CDIN1: variants seen among roughly 807,000 people sequenced by gnomAD.
CDIN1 encodes CDAN1-interacting nuclease 1.
CDIN1 carries 33 observed loss-of-function variants against 45.3 expected under a neutral mutation model. The ratio of observed to expected loss-of-function variants is 0.73; its 90% CI spans 0.55 to 0.97. CDIN1 has a LOEUF of 0.97. CDIN1 is among the 50% of genes least tolerant of loss of function. The probability of loss-of-function intolerance (pLI) is 0.00; values close to 1 mark genes in which losing one functional copy is unlikely to be tolerated. For synonymous variants in CDIN1, 118 were observed against 124.4 expected (o/e 0.95, Z 0.34); for missense variants, 303 against 339.4 (o/e 0.89, Z 0.84).
intron 5 of CDIN1, among the ~76,000 whole-genome samples, chr15:36,678,971 G>A (rs746248593): frequency 6.6e-6 from 1 of 152,158 alleles, no homozygotes; most frequent in Non-Finnish European, 1.5e-5. Flanking sequence ...TACTTGCTTG[G>A]TTGCTAATAC....
chr15:36,670,988 C>T (rs965086281), intron 5 of CDIN1, among the ~76,000 whole-genome samples: 14 of 152,186 alleles, frequency 9.2e-5, no homozygotes, highest in African/African-American at 2.2e-4. Context: ...GTAACTTGAG[C>T]GAAAACTTAT....
intron 5 of CDIN1, among the ~76,000 whole-genome samples, chr15:36,683,913 T>C (rs1406182371): frequency 8.1e-5 from 11 of 135,382 alleles, no homozygotes; most frequent in African/African-American, 1.9e-4. Context: ...GTGATTTTTG[T>C]ACATTGATTT....
chr15:36,642,369 C>T (rs1566858872), intron 1 of CDIN1, among the ~76,000 whole-genome samples: 1 of 152,126 alleles, frequency 6.6e-6, no homozygotes, highest in Admixed American at 6.5e-5. Context: ...ATTGTGGACC[C>T]GAATCTGTCT....
At chr15:36,753,343 G>A (rs1391734098) in intron 10 of CDIN1, among the ~76,000 whole-genome samples, 1 of 152,068 alleles carries the variant, frequency 6.6e-6, no homozygotes, top group Non-Finnish European at 1.5e-5. Context: ...AGCCCCAAAC[G>A]GAGCCTCTCA....
At chr15:36,781,532 A>G (rs1283133999) in intron 10 of CDIN1, among the ~76,000 whole-genome samples, 2 of 148,442 alleles carry the variant, frequency 1.3e-5, no homozygotes, top group Non-Finnish European at 2.9e-5. Context: ...CAAAGAAACA[A>G]TAGGTGTCCA....
intron 1 of CDIN1, among the ~76,000 whole-genome samples, chr15:36,621,054 A>G (rs990430720): frequency 6.6e-6 from 1 of 152,210 alleles, no homozygotes; most frequent in Non-Finnish European, 1.5e-5. Context: ...AAAATATTAA[A>G]AGCCATGTTG....
intron 10 of CDIN1, among the ~76,000 whole-genome samples, chr15:36,757,796 A>G (rs2053647488): frequency 6.6e-6 from 1 of 151,176 alleles, no homozygotes; most frequent in Non-Finnish European, 1.5e-5. Flanking sequence ...GCCTAATGCT[A>G]TGCCACCAGG....
At chr15:36,645,053 G>A (rs541340891) in intron 2 of CDIN1, among the ~76,000 whole-genome samples, 170 bp from the exon 3 acceptor site, 5 of 152,084 alleles carry the variant, frequency 3.3e-5, no homozygotes, top group Non-Finnish European at 7.4e-5. Context: ...AAATGCATAG[G>A]ATCATAGAGT....
chr15:36,796,561 C>T (rs1595610524), intron 10 of CDIN1, among the ~76,000 whole-genome samples: 1 of 152,220 alleles, frequency 6.6e-6, no homozygotes, highest in East Asian at 1.9e-4. Context: ...AGGATGGCCT[C>T]CCAGACCTGT....
At position 36,695,216 on chromosome 15, in the gene CDIN1, T is replaced by A. The variant is rs192016707; in HGVS notation, c.477-2107T>A. ...GATAATTCTCTAGGAATTTTTTTTT[T>A]AATAAATAACGAAGTTTTATTTAAG... On this transcript the variant is annotated intron_variant, in intron 7 of 10. Transcript: ENST00000566621. 2.4e-3 allele frequency among the ~76,000 whole-genome samples: 361 copies of A among 152,266 alleles called. 1 individual carries two copies. Among genetic ancestry groups the A allele is most frequent in the African/African-American group, 7.1e-3 (295 of 41,538 alleles).
Position 36,640,680 on chromosome 15 carries a change from C to G in CDIN1, c.102-3598C>G, listed in dbSNP as rs531446058. The stretch of plus-strand genomic sequence containing the variant: ...TTAAGGTTCTGCATGCTTTAGCTGT[C>G]CATCTGAAAACATAAGGACCTTACC... On this transcript the variant is annotated intron_variant, in intron 1 of 10. Coordinates refer to ENST00000566621, the MANE Select transcript of CDIN1 (RefSeq NM_001321759.2). 1.5e-4 allele frequency: 151 copies of G among 982,576 alleles called. No homozygotes were observed. The African/African-American group carries it at 2.3e-3, about 15-fold the overall frequency. 60.9% of individuals were successfully genotyped at this position (982,576 alleles called of 1,614,324 possible).
intron 10 of CDIN1, among the ~76,000 whole-genome samples, chr15:36,735,481 T>A (rs2043984641): frequency 6.6e-6 from 1 of 152,106 alleles, no homozygotes; most frequent in African/African-American, 2.4e-5. Context: ...ATACTTACAC[T>A]TTTTAACCAT....
chr15:36,808,837 A>ATTTTTTTTTTTTTTT lies in CDIN1; in HGVS notation c.*393_*394insTTTTTTTTTTTTTTT. ...CTCCCAGTTACCGAATCACCCTCTTATTTTTTTTTCCCTAAGCCTCCGTTC... is the reference window on the plus strand; with the variant it reads ...CTCCCAGTTACCGAATCACCCTCTTATTTTTTTTTTTTTTTTTTTTTTTTCCCTAAGCCTCCGTTC... On this transcript the variant is annotated 3_prime_UTR_variant, in exon 11 of 11. Transcript: ENST00000566621. 1 of 439,198 alleles carries ATTTTTTTTTTTTTTT rather than the reference A, an allele frequency of 2.3e-6. No individual in the cohort carries two copies. Among genetic ancestry groups the ATTTTTTTTTTTTTTT allele is most frequent in the Admixed American group, 2.5e-5 (1 of 40,660 alleles). The allele number at this position is 439,198 out of a possible 1,614,324, so 27.2% of individuals were successfully genotyped here. A position where few individuals can be genotyped will look rare whatever the true frequency, so the allele number is the denominator to read the frequency against.
intron 10 of CDIN1, among the ~76,000 whole-genome samples, chr15:36,805,281 A>G (rs1461135582): frequency 1.3e-5 from 2 of 152,154 alleles, no homozygotes; most frequent in Non-Finnish European, 2.9e-5. Flanking sequence ...TCCAGAATCA[A>G]TTCAGATGTC....
intron 1 of CDIN1, among the ~76,000 whole-genome samples, chr15:36,630,989 C>T (rs978354474): frequency 7.2e-5 from 11 of 152,188 alleles, no homozygotes; most frequent in African/African-American, 2.2e-4. Flanking sequence ...CCTTCAACAC[C>T]GGTAACCAAC....
chr15:36,718,812 C>CTTTTTTTTTTTTTTTTTTTTTTT (rs3045909), intron 10 of CDIN1, among the ~76,000 whole-genome samples: 1 of 96,626 alleles, frequency 1.0e-5, no homozygotes, highest in African/African-American at 3.9e-5. Context: ...AATTTGTATG[C>CTTTTTTTTTTTTTTTTTTTTTTT]TTTTTTTTTT....
chr15:36,625,380 A>G (rs1040332935), intron 1 of CDIN1, among the ~76,000 whole-genome samples: 3 of 152,200 alleles, frequency 2.0e-5, no homozygotes, highest in African/African-American at 7.2e-5. Context: ...TGGTCACGGA[A>G]TTAAATTTAA....
At chr15:36,722,427 G>A (rs2043457798) in intron 10 of CDIN1, among the ~76,000 whole-genome samples, 1 of 151,882 alleles carries the variant, frequency 6.6e-6, no homozygotes, top group African/African-American at 2.4e-5. Context: ...CCCAGCAAAA[G>A]GGCAGTCTTT....
At chr15:36,799,056 T>A (rs995080487) in intron 10 of CDIN1, 3 of 152,222 alleles carry the variant, frequency 2.0e-5, no homozygotes, top group African/African-American at 7.2e-5. Flanking sequence ...AATGATGGGT[T>A]TGCCTTTGGC....
Sources: gnomAD v4.1 joint callset for allele counts (sites outside exome capture counted in the v4.1 genomes callset) on GRCh38, gnomAD v4.1.1 for gene constraint, MANE v1.5 for transcripts, NCBI Gene and HGNC (gene_info 2026-07-23, HGNC 2026-07-21) for gene names.